The following DOCK8 variants were observed in gnomAD, a reference collection of about 807,000 sequenced individuals.
The protein encoded by DOCK8 is dedicator of cytokinesis 8.
DOCK8 carries 141 observed loss-of-function variants against 245.6 expected under a neutral mutation model. The ratio of observed to expected loss-of-function variants is 0.57; its 90% CI spans 0.50 to 0.66. The LOEUF is 0.66. Ranked by LOEUF, DOCK8 falls within the 30% of genes least tolerant of loss-of-function variation. The pLI, the probability that DOCK8 is intolerant of heterozygous loss-of-function variation, is 0.00. For missense variants in DOCK8, 2,965 were observed against 2,603.4 expected (o/e 1.14, Z -3.02); for synonymous variants, 1,168 against 970.2 (o/e 1.20, Z -3.79).
rs1186291271 is a variant in DOCK8, at chr9:403,930, G to A, written c.3235-988G>A. On this transcript the variant is annotated intron_variant, in intron 26 of 47. Transcript: ENST00000432829. The stretch of plus-strand genomic sequence containing the variant: ...TATATATATATACATATATATATAT[G>A]TGTATATATATATGTGTATATATAT... 2.4e-3 allele frequency among the ~76,000 whole-genome samples: 183 copies of A among 76,802 alleles called. 3 individuals are homozygous for A. Among genetic ancestry groups the A allele is most frequent in the African/African-American group, 9.8e-3 (175 of 17,920 alleles). 50.4% of individuals were successfully genotyped at this position (76,802 alleles called of 152,430 possible).
chr9:451,743 AT>A (rs1228694084), intron 45 of DOCK8, among the ~76,000 whole-genome samples: 13 of 150,534 alleles, frequency 8.6e-5, no homozygotes, highest in South Asian at 2.1e-4. Context: ...GACCTTCCTT[AT>A]TTTTTTTTGT....
intron 20 of DOCK8, among the ~76,000 whole-genome samples, chr9:379,296 A>G (rs541913770): frequency 1.3e-5 from 2 of 152,308 alleles, no homozygotes; most frequent in Admixed American, 6.5e-5. Flanking sequence ...GTTAATCTGT[A>G]CAAGAATCAG....
At chr9:294,612 T>C (rs1554658990) in intron 4 of DOCK8, among the ~76,000 whole-genome samples, 1 of 152,238 alleles carries the variant, frequency 6.6e-6, no homozygotes, top group Non-Finnish European at 1.5e-5. Flanking sequence ...AGTCCCACTC[T>C]TGAGTATTTA....
At chr9:247,661 G>A (rs1460107796) in intron 1 of DOCK8, among the ~76,000 whole-genome samples, 3 of 152,040 alleles carry the variant, frequency 2.0e-5, no homozygotes, top group Non-Finnish European at 2.9e-5. Context: ...AGCCTCCCGA[G>A]TAGCTGGGAA....
At chr9:300,301 C>G (rs2049476474) in intron 4 of DOCK8, among the ~76,000 whole-genome samples, 1 of 152,126 alleles carries the variant, frequency 6.6e-6, no homozygotes, top group African/African-American at 2.4e-5. Context: ...GCTAGTAGCT[C>G]TCTTACATTT....
intron 1 of DOCK8, among the ~76,000 whole-genome samples, chr9:260,883 C>G (rs2047902457): frequency 6.6e-6 from 1 of 152,162 alleles, no homozygotes; most frequent in South Asian, 2.1e-4. Context: ...TGGGTGAACA[C>G]TACAACATAG....
chr9:384,888 C>A (rs1401291879), intron 22 of DOCK8, among the ~76,000 whole-genome samples: 1 of 152,138 alleles, frequency 6.6e-6, no homozygotes. Flanking sequence ...CGCACTCCAG[C>A]CTGGGCAGCA....
chr9:240,452 A>G lies in DOCK8; in HGVS notation c.53+25423A>G, dbSNP rs554024755. Among the ~76,000 whole-genome samples, 19 of 152,124 alleles carry G rather than the reference A, an allele frequency of 1.2e-4. No homozygotes were observed. In the South Asian group the frequency reaches 3.9e-3, roughly 32 times the overall value. On this transcript the variant is annotated intron_variant, in intron 1 of 47. Transcript: ENST00000432829. ...GAGGCCATCTTCATATGCACTACCAATATTTCCAGCTATACCCAACAGGTA... is the reference window on the plus strand; with the variant it reads ...GAGGCCATCTTCATATGCACTACCAGTATTTCCAGCTATACCCAACAGGTA...
chr9:439,549 A>G (rs2057019408), intron 40 of DOCK8, among the ~76,000 whole-genome samples, 161 bp downstream of exon 40: 1 of 152,208 alleles, frequency 6.6e-6, no homozygotes, highest in South Asian at 2.1e-4. Context: ...ACTTTGATGT[A>G]TGCAAATTGC....
At chr9:270,374 C>T (rs2048132105) in intron 1 of DOCK8, among the ~76,000 whole-genome samples, 3 of 152,136 alleles carry the variant, frequency 2.0e-5, no homozygotes. Context: ...ACTTGTCCTG[C>T]CGTGAGTTAT....
chr9:410,506 C>T (rs528681134), intron 28 of DOCK8, among the ~76,000 whole-genome samples: 30 of 152,216 alleles, frequency 2.0e-4, no homozygotes, highest in African/African-American at 4.6e-4. Flanking sequence ...AAACAGCTGC[C>T]GTGAACATGC....
In DOCK8 at chr9:281,366, T is replaced by C. The variant is rs564587726; in HGVS notation, c.157-5095T>C. Among the ~76,000 whole-genome samples, 4 of 152,362 alleles carry C rather than the reference T, an allele frequency of 2.6e-5. No homozygotes were observed. In the South Asian group the frequency reaches 8.3e-4, roughly 32 times the overall value. On this transcript the variant is annotated intron_variant, in intron 2 of 47. Coordinates refer to ENST00000432829, the MANE Select transcript of DOCK8 (RefSeq NM_203447.4). ...CATAAAGGTGACCTTGAAATTACTT[T>C]GATGTTCATTTAAACTAGTCTTTGG...
chr9:227,615 C>G (rs519184), intron 1 of DOCK8, among the ~76,000 whole-genome samples: 32,501 of 152,014 alleles, frequency 0.21, 4,314 homozygotes, highest in East Asian at 0.35. Flanking sequence ...CTCACCATAA[C>G]CTAGCCCACC....
intron 26 of DOCK8, among the ~76,000 whole-genome samples, chr9:400,046 CCACCA>C (rs2054716019): frequency 8.0e-6 from 1 of 125,702 alleles, no homozygotes; most frequent in Non-Finnish European, 1.6e-5. Flanking sequence ...ACCACCACCT[CCACCA>C]TCACCACCTC....
At chr9:405,108 C>A (rs376469129) in intron 27 of DOCK8, 35 bp downstream of exon 27, 4 of 1,582,962 alleles carry the variant, frequency 2.5e-6, no homozygotes, top group Non-Finnish European at 3.5e-6. Flanking sequence ...AAGAATTATT[C>A]AAGCTATTTC....
intron 19 of DOCK8, 121 bp downstream of exon 19, chr9:376,426 T>A (rs2053518173): frequency 7.5e-6 from 6 of 804,854 alleles, no homozygotes; most frequent in Non-Finnish European, 1.3e-5. Flanking sequence ...AACCCTTTAG[T>A]TCTTTGTGGG....
intron 14 of DOCK8, among the ~76,000 whole-genome samples, chr9:362,950 A>G (rs1333510651): frequency 1.3e-5 from 2 of 152,234 alleles, no homozygotes; most frequent in Non-Finnish European, 2.9e-5. Context: ...TGGTAAGAGC[A>G]GAGTGTTTGG....
chr9:378,673 A>G (rs10814465), intron 20 of DOCK8, among the ~76,000 whole-genome samples: 59,469 of 152,138 alleles, frequency 0.39, 14,744 homozygotes, highest in African/African-American at 0.71. Context: ...TCACCAGACA[A>G]AAATATTTAT....
intron 33 of DOCK8, among the ~76,000 whole-genome samples, chr9:423,068 A>C (rs1396927820): frequency 6.6e-6 from 1 of 151,998 alleles, no homozygotes; most frequent in African/African-American, 2.4e-5. Flanking sequence ...AAATTTACCA[A>C]AATATTAATT....
Sources: allele counts gnomAD v4.1 joint callset (sites outside exome capture counted in the v4.1 genomes callset), GRCh38; gene constraint gnomAD v4.1.1; transcripts MANE v1.5; gene names NCBI Gene and HGNC (gene_info 2026-07-23, HGNC 2026-07-21).